The following FER variants were observed in gnomAD, a reference collection of about 807,000 sequenced individuals.
FER encodes tyrosine-protein kinase Fer.
A neutral mutation model predicts 111.0 loss-of-function variants in FER; 63 were observed. The observed-to-expected ratio is 0.57, with a 90% CI of 0.46 to 0.70. FER has a LOEUF of 0.70. FER is among the 30% of genes least tolerant of loss of function. The probability of loss-of-function intolerance (pLI) is 0.00; values close to 1 mark genes in which losing one functional copy is unlikely to be tolerated. For missense variants in FER, 914 were observed against 954.0 expected, an observed-to-expected ratio of 0.96 and a Z score of 0.55; for synonymous variants, 327 against 313.9, an observed-to-expected ratio of 1.04 and a Z score of -0.44.
intron 17 of FER, among the ~76,000 whole-genome samples, chr5:109,122,625 T>G (rs1276302282): frequency 6.6e-6 from 1 of 151,924 alleles, no homozygotes; most frequent in Non-Finnish European, 1.5e-5. Flanking sequence ...GTGTCTTTGT[T>G]CATTTTCTGT....
intron 10 of FER, among the ~76,000 whole-genome samples, chr5:108,909,581 G>T (rs1336720533): frequency 2.6e-5 from 4 of 152,124 alleles, no homozygotes; most frequent in Admixed American, 2.6e-4. Context: ...GTTGTCAGAG[G>T]ACTGTAAGAA....
At chr5:108,976,224 T>G (rs2149709934) in intron 13 of FER, among the ~76,000 whole-genome samples, 1 of 152,312 alleles carries the variant, frequency 6.6e-6, no homozygotes, top group South Asian at 2.1e-4. Context: ...ATACAGGCTT[T>G]CATCACTTTA....
chr5:108,971,489 A>G (rs560523439), intron 13 of FER, among the ~76,000 whole-genome samples: 1 of 152,274 alleles, frequency 6.6e-6, no homozygotes, highest in East Asian at 1.9e-4. Context: ...GAAAGGAAGA[A>G]GGATTTTAAT....
chr5:108,857,338 ATATT>A lies in FER; in HGVS notation c.482-10419_482-10416del, dbSNP rs1345905515. Among the ~76,000 whole-genome samples the A allele has an allele frequency of 2.6e-5, 4 of 152,096 alleles. No homozygotes were observed. In the East Asian group the frequency reaches 7.7e-4, roughly 29 times the overall value. ...ATTCCTTGATTTGTTTTTCTGCATA[ATATT>A]TATTTATTTTTCATAGGAATACCAT... is the stretch of plus-strand genomic sequence containing the variant. On this transcript the variant is annotated intron_variant, in intron 5 of 19. Transcript: ENST00000281092.
chr5:108,908,414 G>C (rs1469897907), intron 10 of FER, among the ~76,000 whole-genome samples: 1 of 151,992 alleles, frequency 6.6e-6, no homozygotes, highest in Non-Finnish European at 1.5e-5. Context: ...AATAGTTTTT[G>C]GGTGCTCATT....
chr5:108,763,771 G>A (rs181462027), intron 1 of FER, among the ~76,000 whole-genome samples: 12 of 152,234 alleles, frequency 7.9e-5, no homozygotes, highest in Admixed American at 2.0e-4. Flanking sequence ...AGAGTGAATT[G>A]TTTCCCAGCA....
chr5:108,871,339 C>T, intron 6 of FER, 26 bp from the exon 7 acceptor site: 1 of 1,592,946 alleles, frequency 6.3e-7, no homozygotes, highest in South Asian at 1.1e-5. Flanking sequence ...CTTTAAAATG[C>T]TGCAAAATTT....
chr5:108,897,942 G>A (rs956276355), intron 10 of FER, 94 bp downstream of exon 10: 29 of 1,120,722 alleles, frequency 2.6e-5, no homozygotes, highest in African/African-American at 3.3e-5. Flanking sequence ...ATAACAAATT[G>A]TTACTCTTGT....
chr5:108,858,009 C>G (rs932468628), intron 5 of FER, among the ~76,000 whole-genome samples: 1 of 152,116 alleles, frequency 6.6e-6, no homozygotes, highest in Admixed American at 6.5e-5. Context: ...AGTATCTGGC[C>G]ATTGGTGTGC....
chr5:109,134,271 A>C (rs1162932404), intron 17 of FER, among the ~76,000 whole-genome samples: 1 of 152,154 alleles, frequency 6.6e-6, no homozygotes, highest in Non-Finnish European at 1.5e-5. Flanking sequence ...TGCTTTAAAA[A>C]CTAAACACAG....
chr5:108,771,363 A>G (rs762466914), intron 2 of FER, among the ~76,000 whole-genome samples: 2 of 152,184 alleles, frequency 1.3e-5, no homozygotes, highest in Non-Finnish European at 2.9e-5. Flanking sequence ...CACTTTGCAT[A>G]TGGTTATCTT....
chr5:108,862,219 G>C (rs898472138), intron 5 of FER, among the ~76,000 whole-genome samples: 9 of 152,166 alleles, frequency 5.9e-5, no homozygotes. Flanking sequence ...TTGGTAAGCT[G>C]TTGGTGATTA....
rs1758823356 is a variant in FER at position 108,959,165 on chromosome 5, A to T, written c.1534-60A>T. On this transcript the variant is annotated intron_variant, in intron 12 of 19. Transcript: ENST00000281092. The stretch of plus-strand genomic sequence containing the variant: ...AAGAAAGGAATCTAATTTATCAATG[A>T]ATGTAGATTTTCTAAAGCAATGTCT... The T allele has an allele frequency of 3.9e-6, 6 of 1,541,450 alleles. 1 individual carries two copies. Among genetic ancestry groups the T allele is most frequent in the Non-Finnish European group, 4.4e-6 (5 of 1,137,256 alleles).
chr5:109,077,998 A>G (rs916414556), intron 16 of FER, among the ~76,000 whole-genome samples: 5 of 152,196 alleles, frequency 3.3e-5, no homozygotes, highest in Admixed American at 2.0e-4. Flanking sequence ...AGATCAAAAA[A>G]GTTTTTGAAA....
chr5:108,869,763 C>T (rs775675829), intron 6 of FER, among the ~76,000 whole-genome samples: 35 of 152,052 alleles, frequency 2.3e-4, no homozygotes, highest in African/African-American at 4.6e-4. Flanking sequence ...AAATTAGAAG[C>T]GCAAATTTGT....
intron 18 of FER, among the ~76,000 whole-genome samples, chr5:109,181,395 C>T (rs556101107): frequency 4.5e-4 from 68 of 152,070 alleles, no homozygotes; most frequent in African/African-American, 1.5e-3. Context: ...CATTTTAAAA[C>T]GGCAGGGATT....
intron 16 of FER, among the ~76,000 whole-genome samples, chr5:109,092,388 GAATA>G (rs1746921387): frequency 7.1e-6 from 1 of 141,562 alleles, no homozygotes. Flanking sequence ...TTAATATCCA[GAATA>G]AATAAAGAAT....
At chr5:109,080,867 A>G (rs1381761710) in intron 16 of FER, among the ~76,000 whole-genome samples, 1 of 152,098 alleles carries the variant, frequency 6.6e-6, no homozygotes, top group Non-Finnish European at 1.5e-5. Context: ...GCTTTTCAAC[A>G]GGTCACGTAT....
At chr5:108,787,352 C>G (rs1449731880) in intron 2 of FER, among the ~76,000 whole-genome samples, 1 of 152,168 alleles carries the variant, frequency 6.6e-6, no homozygotes, top group Non-Finnish European at 1.5e-5. Context: ...CAGCTTGGCA[C>G]CAGCCTGCAG....
Sources: gnomAD v4.1 joint callset for allele counts (sites outside exome capture counted in the v4.1 genomes callset) on GRCh38, gnomAD v4.1.1 for gene constraint, MANE v1.5 for transcripts, NCBI Gene and HGNC (gene_info 2026-07-23, HGNC 2026-07-21) for gene names.